GAS2L3: variants seen among roughly 807,000 people sequenced by gnomAD.
The protein encoded by GAS2L3 is GAS2-like protein 3.
GAS2L3 carries 28 observed loss-of-function variants against 37.0 expected under a neutral mutation model. That is an observed-to-expected ratio of 0.76 (90% CI 0.56 to 1.04). The LOEUF is 1.04. GAS2L3 is among the 50% of genes least tolerant of loss of function. GAS2L3 has a pLI of 0.00. For synonymous variants in GAS2L3, 290 were observed against 296.6 expected, an observed-to-expected ratio of 0.98 and a Z score of 0.23; for missense variants, 793 against 817.6, an observed-to-expected ratio of 0.97 and a Z score of 0.37.
At chr12:100,605,502 G>C (rs937351602) in intron 5 of GAS2L3, among the ~76,000 whole-genome samples, 3 of 151,530 alleles carry the variant, frequency 2.0e-5, no homozygotes, top group Non-Finnish European at 4.4e-5. Context: ...TATTTCTTCT[G>C]ATTTTCATTA....
In GAS2L3 at chr12:100,625,540, C is replaced by A. The variant is rs983713417; in HGVS notation, c.*650C>A. On this transcript the variant is annotated 3_prime_UTR_variant, in exon 10 of 10. Transcript: ENST00000547754. The stretch of plus-strand genomic sequence containing the variant: ...ATTTACATTGGTAATATTTTGTCAC[C>A]AATATTTTTGGTTAAAAAAAATCCA... 6 of 151,230 alleles carry A rather than the reference C, an allele frequency of 4.0e-5. No individual in the cohort carries two copies. Among genetic ancestry groups the A allele is most frequent in the Non-Finnish European group, 8.8e-5 (6 of 67,846 alleles). 9.4% of individuals were successfully genotyped at this position (151,230 alleles called of 1,614,324 possible).
intron 1 of GAS2L3, among the ~76,000 whole-genome samples, chr12:100,577,728 C>T (rs1955655578): frequency 1.3e-5 from 2 of 152,090 alleles, no homozygotes; most frequent in African/African-American, 4.8e-5. Flanking sequence ...AAAATAGAAG[C>T]ATATAATATT....
At position 100,574,215 on chromosome 12, in the gene GAS2L3, G is replaced by A. The variant is rs1955607673; in HGVS notation, c.-152+430G>A. On this transcript the variant is annotated intron_variant, in intron 1 of 9. Coordinates refer to ENST00000547754, the MANE Select transcript of GAS2L3 (RefSeq NM_174942.3). ...CATCCCTAAGCGCCTGGCACTTAGA[G>A]GGTCTGTTTTTTTCTGTTCATCATC... Among the ~76,000 whole-genome samples the A allele has an allele frequency of 2.0e-5, 3 of 152,318 alleles. No individual in the cohort carries two copies. In the East Asian group the frequency reaches 5.8e-4, roughly 29 times the overall value.
intron 7 of GAS2L3, 64 bp downstream of exon 7, chr12:100,617,871 G>A (rs1481641416): frequency 2.2e-6 from 2 of 894,732 alleles, no homozygotes; most frequent in African/African-American, 3.4e-5. Context: ...CTGAATTTTA[G>A]TTTAGAACAC....
chr12:100,604,572 T>C (rs1956033760), intron 5 of GAS2L3, among the ~76,000 whole-genome samples: 1 of 151,416 alleles, frequency 6.6e-6, no homozygotes, highest in Non-Finnish European at 1.5e-5. Context: ...CTTTCCAGTT[T>C]GGATGCCAAA....
chr12:100,624,611 C>G lies in GAS2L3; in HGVS notation c.1806C>G (p.Pro602=), dbSNP rs899486036. The G allele has an allele frequency of 1.7e-5, 28 of 1,614,050 alleles. No individual in the cohort carries two copies. Among genetic ancestry groups the G allele is most frequent in the Non-Finnish European group, 2.4e-5 (28 of 1,180,006 alleles). Reference sequence around the variant, plus strand: ...AAAGTGCATTTCAGAAGACAGGACCCAGCTCCTTGAAGTCTCCTGGCCGTA... The same window carrying G: ...AAAGTGCATTTCAGAAGACAGGACCGAGCTCCTTGAAGTCTCCTGGCCGTA... The part of the protein sequence containing the change: ...QNKSAFQKTG[P]SSLKSPGRTP... The change falls in exon 10 of 10, where the codon CCC becomes CCG. Residue 602 remains proline, a synonymous_variant. Transcript: ENST00000547754.
At position 100,624,614 on chromosome 12, in the gene GAS2L3, C is replaced by A. The variant is rs766051588; in HGVS notation, c.1809C>A (p.Ser603Arg). 11 of 1,613,936 alleles carry A rather than the reference C, an allele frequency of 6.8e-6. No individual in the cohort carries two copies. Among genetic ancestry groups the A allele is most frequent in the Non-Finnish European group, 8.5e-6 (10 of 1,180,022 alleles). Residue 603 changes from serine (S) to arginine (R), a missense_variant, in exon 10 of 10, where the codon AGC becomes AGA. Transcript: ENST00000547754. ...NKSAFQKTGP[S>R]SLKSPGRTPL... ...GTGCATTTCAGAAGACAGGACCCAG[C>A]TCCTTGAAGTCTCCTGGCCGTACCC...
In GAS2L3 at chr12:100,612,050, A is replaced by G; in HGVS notation, c.354A>G (p.Ser118=). 1.2e-6 allele frequency: 2 copies of G among 1,611,684 alleles called. No individual in the cohort carries two copies. Among genetic ancestry groups the G allele is most frequent in the East Asian group, 4.5e-5 (2 of 44,850 alleles). ...GTAAGAAAGATGCTGCATCAGGTTC[A>G]TTCTTTGCTCGGGACAATACCGCAA... The part of the protein sequence containing the change: ...VPCKKDAASG[S]FFARDNTANF... The change falls in exon 6 of 10, where the codon TCA becomes TCG. Residue 118 remains serine, a synonymous_variant. Transcript: ENST00000547754.
intron 1 of GAS2L3, among the ~76,000 whole-genome samples, chr12:100,574,406 G>A (rs973625838): frequency 3.3e-5 from 5 of 152,176 alleles, no homozygotes; most frequent in African/African-American, 1.2e-4. Context: ...TGGAGACCCT[G>A]CGCGATGCCT....
chr12:100,624,547 A>C lies in GAS2L3; in HGVS notation c.1742A>C (p.Lys581Thr), dbSNP rs1416098508. 1 of 1,614,084 alleles carries C rather than the reference A, an allele frequency of 6.2e-7. No individual in the cohort carries two copies. Among genetic ancestry groups the C allele is most frequent in the South Asian group, 1.1e-5 (1 of 91,080 alleles). The change falls in exon 10 of 10, where the codon AAG (lysine) becomes ACG (threonine). Residue 581 changes from lysine to threonine, a missense_variant. By Grantham distance (78) the Lys-to-Thr change is moderately conservative (BLOSUM62 -1). Coordinates refer to ENST00000547754, the MANE Select transcript of GAS2L3 (RefSeq NM_174942.3). The stretch of plus-strand genomic sequence containing the variant: ...AAAGCCACACAGAAATCAAAAGATA[A>C]GAATATAGTTTCAGCTACCAAAAAG... ...PVKATQKSKDKNIVSATKKQP... is the reference protein window; with the variant it reads ...PVKATQKSKDTNIVSATKKQP...
chr12:100,583,009 T>C (rs963936027), intron 1 of GAS2L3, among the ~76,000 whole-genome samples: 16 of 152,218 alleles, frequency 1.1e-4, no homozygotes, highest in African/African-American at 3.4e-4. Context: ...CTTCGGTGAC[T>C]CTGACCTTTC....
chr12:100,591,284 C>T (rs1026947466), intron 1 of GAS2L3, among the ~76,000 whole-genome samples: 2 of 151,994 alleles, frequency 1.3e-5, no homozygotes, highest in East Asian at 1.9e-4. Flanking sequence ...AAGATCACAG[C>T]GCAAACAGTT....
At position 100,604,729 on chromosome 12, in the gene GAS2L3, G is replaced by T. The variant is rs373149883; in HGVS notation, c.303+2976G>T. ...CCATTTGGTATGATACTAGCTGTAG[G>T]TCTATCATCATATGGCTTTTATTAT... On this transcript the variant is annotated intron_variant, in intron 5 of 9. Coordinates refer to ENST00000547754, the MANE Select transcript of GAS2L3 (RefSeq NM_174942.3). Among the ~76,000 whole-genome samples, 4 of 151,904 alleles carry T rather than the reference G, an allele frequency of 2.6e-5. No individual in the cohort carries two copies. In the East Asian group the frequency reaches 7.7e-4, roughly 29 times the overall value.
chr12:100,627,683 A>G lies in GAS2L3; in HGVS notation c.*2793A>G, dbSNP rs1956345583. The G allele has an allele frequency of 6.6e-6, 1 of 152,198 alleles. No homozygotes were observed. The highest frequency in any genetic ancestry group is 2.1e-4 in the South Asian group (1 of 4,826). 9.4% of individuals were successfully genotyped at this position (152,198 alleles called of 1,614,324 possible). On this transcript the variant is annotated 3_prime_UTR_variant, in exon 10 of 10. Coordinates refer to ENST00000547754, the MANE Select transcript of GAS2L3 (RefSeq NM_174942.3). ...TGTTTCTATTCATTTTCACAATTTA[A>G]AAACAGCTCTTAACATTGCTGAAGT...
intron 1 of GAS2L3, among the ~76,000 whole-genome samples, chr12:100,574,238 A>G (rs748819809): frequency 3.3e-5 from 5 of 152,126 alleles, no homozygotes; most frequent in Non-Finnish European, 5.9e-5. Flanking sequence ...TCTGTTCATC[A>G]TCCTCGGAAA....
chr12:100,624,781 C>G lies in GAS2L3; in HGVS notation c.1976C>G (p.Pro659Arg). 1 of 1,613,820 alleles carries G rather than the reference C, an allele frequency of 6.2e-7. No homozygotes were observed. The highest frequency in any genetic ancestry group is 8.5e-7 in the Non-Finnish European group (1 of 1,179,986). The change falls in exon 10 of 10, where the codon CCC becomes CGC. Residue 659 changes from proline to arginine, a missense_variant. Coordinates refer to ENST00000547754, the MANE Select transcript of GAS2L3 (RefSeq NM_174942.3). The part of the protein sequence containing the change: ...GKTPASIRKP[P>R]SSVKDADSGD... ...ACCCCAGCTTCAATCAGGAAACCAC[C>G]CTCATCTGTTAAGGATGCAGATAGT...
intron 8 of GAS2L3, among the ~76,000 whole-genome samples, chr12:100,620,376 ATTTCC>A (rs1223539704): frequency 2.6e-5 from 4 of 152,024 alleles, no homozygotes; most frequent in Non-Finnish European, 5.9e-5. Flanking sequence ...GATTATTTTT[ATTTCC>A]TTAGCTATTT....
chr12:100,601,492 T>G (rs1203572037), intron 4 of GAS2L3, 146 bp from the exon 5 acceptor site: 1 of 484,556 alleles, frequency 2.1e-6, no homozygotes, highest in African/African-American at 2.0e-5. Context: ...TATTTGCTAT[T>G]TTAACTGTAC....
intron 3 of GAS2L3, among the ~76,000 whole-genome samples, chr12:100,595,862 A>G (rs1272887206): frequency 7.9e-5 from 12 of 152,040 alleles, no homozygotes; most frequent in Non-Finnish European, 4.4e-5. Context: ...GTTTGGTTGT[A>G]TCCTTGATAT....
Sources: allele counts gnomAD v4.1 joint callset (sites outside exome capture counted in the v4.1 genomes callset), GRCh38; gene constraint gnomAD v4.1.1; transcripts MANE v1.5; gene names NCBI Gene and HGNC (gene_info 2026-07-23, HGNC 2026-07-21).